The following CDH18 variants were observed in gnomAD, a reference collection of about 807,000 sequenced individuals.
CDH18 encodes cadherin-18.
In CDH18, 31 loss-of-function variants were observed where a neutral mutation model predicts 67.9. That is an observed-to-expected ratio of 0.46 (90% confidence interval 0.34 to 0.62). The LOEUF (loss-of-function observed/expected upper bound fraction) is 0.62. Ranked by LOEUF, CDH18 falls within the 20% of genes least tolerant of loss-of-function variation. The probability of loss-of-function intolerance (pLI) is 0.01; values close to 1 mark genes in which losing one functional copy is unlikely to be tolerated. For missense variants in CDH18, 890 were observed against 975.5 expected, an observed-to-expected ratio of 0.91 and a Z score of 1.17; for synonymous variants, 362 against 347.2, an observed-to-expected ratio of 1.04 and a Z score of -0.48.
At chr5:20,063,377 C>T (rs1001014760) in intron 2 of CDH18, among the ~76,000 whole-genome samples, 1 of 151,898 alleles carries the variant, frequency 6.6e-6, no homozygotes, top group Non-Finnish European at 1.5e-5. Context: ...CTCTGCATTT[C>T]AAGAATTAAC....
chr5:19,865,157 G>A (rs995165440), intron 2 of CDH18, among the ~76,000 whole-genome samples: 10 of 152,058 alleles, frequency 6.6e-5, no homozygotes, highest in African/African-American at 1.9e-4. Flanking sequence ...CTGCATGCAA[G>A]CCCTTAAATA....
At chr5:20,087,402 C>T (rs188145056) in intron 2 of CDH18, among the ~76,000 whole-genome samples, 19 of 152,066 alleles carry the variant, frequency 1.2e-4, no homozygotes, top group Non-Finnish European at 1.9e-4. Flanking sequence ...AGATAATTGA[C>T]TCCAATTTAG....
At chr5:19,558,716 C>A (rs1239876871) in intron 8 of CDH18, among the ~76,000 whole-genome samples, 1 of 151,848 alleles carries the variant, frequency 6.6e-6, no homozygotes, top group East Asian at 1.9e-4. Flanking sequence ...TTATATTAGA[C>A]ATTCAAGCAA....
intron 5 of CDH18, among the ~76,000 whole-genome samples, chr5:19,632,475 T>G (rs1440004152): frequency 1.3e-5 from 2 of 152,246 alleles, no homozygotes; most frequent in African/African-American, 4.8e-5. Context: ...GCCTTAATTC[T>G]TTCCGGGTTT....
intron 1 of CDH18, among the ~76,000 whole-genome samples, chr5:20,312,053 T>C (rs535956043): frequency 6.6e-6 from 1 of 152,152 alleles, no homozygotes; most frequent in Non-Finnish European, 1.5e-5. Flanking sequence ...TCAATGAGTT[T>C]TGAGTGGATG....
At chr5:20,468,647 A>G (rs986608660) in intron 1 of CDH18, among the ~76,000 whole-genome samples, 1 of 152,218 alleles carries the variant, frequency 6.6e-6, no homozygotes, top group Admixed American at 6.5e-5. Context: ...CTTCATGAAC[A>G]TAATTTAGAG....
intron 3 of CDH18, among the ~76,000 whole-genome samples, chr5:19,758,117 C>T (rs528084142): frequency 9.8e-5 from 15 of 152,286 alleles, no homozygotes; most frequent in African/African-American, 3.6e-4. Context: ...ATGTAACTTA[C>T]TTGTACCTTC....
At chr5:20,385,276 T>C (rs773944232) in intron 1 of CDH18, among the ~76,000 whole-genome samples, 37 of 152,188 alleles carry the variant, frequency 2.4e-4, no homozygotes, top group Non-Finnish European at 4.7e-4. Flanking sequence ...GATCAGTATG[T>C]TCTGGACAAA....
At chr5:20,366,274 T>C (rs200887610) in intron 1 of CDH18, among the ~76,000 whole-genome samples, 1 of 152,172 alleles carries the variant, frequency 6.6e-6, no homozygotes, top group East Asian at 1.9e-4. Flanking sequence ...GATGCATCTT[T>C]CTTGCTTACT....
At chr5:20,022,308 G>T (rs1041363447) in intron 2 of CDH18, among the ~76,000 whole-genome samples, 3 of 152,172 alleles carry the variant, frequency 2.0e-5, no homozygotes, top group Non-Finnish European at 4.4e-5. Context: ...AGCTGGTAAG[G>T]TTTGGAACCT....
At chr5:19,977,868 T>C (rs191294127) in intron 2 of CDH18, among the ~76,000 whole-genome samples, 1 of 152,240 alleles carries the variant, frequency 6.6e-6, no homozygotes, top group African/African-American at 2.4e-5. Flanking sequence ...GTTTGATCAG[T>C]AAACACACAG....
At chr5:20,152,939 ATTTT>A (rs34475393) in intron 2 of CDH18, among the ~76,000 whole-genome samples, 1 of 125,894 alleles carries the variant, frequency 7.9e-6, no homozygotes. Context: ...AGGATGAGGA[ATTTT>A]TTTTTTTTTT....
At chr5:19,743,572 C>T (rs1157394748) in intron 4 of CDH18, among the ~76,000 whole-genome samples, 1 of 152,080 alleles carries the variant, frequency 6.6e-6, no homozygotes, top group Non-Finnish European at 1.5e-5. Context: ...CAGATTTGTT[C>T]CCCCTGCCAT....
At chr5:20,406,146 C>T (rs1201467029) in intron 1 of CDH18, among the ~76,000 whole-genome samples, 2 of 152,104 alleles carry the variant, frequency 1.3e-5, no homozygotes, top group Admixed American at 6.5e-5. Context: ...ATGTTTATTG[C>T]AGCACTATTG....
chr5:20,093,143 G>T (rs1352485032), intron 2 of CDH18, among the ~76,000 whole-genome samples: 1 of 151,946 alleles, frequency 6.6e-6, no homozygotes, highest in Non-Finnish European at 1.5e-5. Flanking sequence ...ACGGTGAGGT[G>T]GGAGGAAGCT....
intron 12 of CDH18, 117 bp from the exon 13 acceptor site, chr5:19,473,833 G>C (rs1447740184): frequency 2.4e-6 from 2 of 837,724 alleles, no homozygotes; most frequent in Non-Finnish European, 3.8e-6. Flanking sequence ...CCAGAGTTAG[G>C]CTGGCATTGC....
At chr5:20,273,938 A>G (rs943639464) in intron 1 of CDH18, among the ~76,000 whole-genome samples, 3 of 152,168 alleles carry the variant, frequency 2.0e-5, no homozygotes, top group Non-Finnish European at 4.4e-5. Context: ...GGAGATGTAA[A>G]TAAGTTAAGA....
chr5:19,796,755 G>A lies in CDH18; in HGVS notation c.228+42004C>T, dbSNP rs568247402. ...CACCATATGATATCCAAGGCGATAA[G>A]TGAAGAAAGTCACAGAACCAAAATG... On this transcript the variant is annotated intron_variant, in intron 3 of 12. Transcript: ENST00000382275. 2.0e-5 allele frequency among the ~76,000 whole-genome samples: 3 copies of A among 152,118 alleles called. 1 individual carries two copies. The East Asian group carries it at 5.8e-4, about 29-fold the overall frequency.
At chr5:19,762,027 C>T (rs1581234655) in intron 3 of CDH18, among the ~76,000 whole-genome samples, 1 of 152,136 alleles carries the variant, frequency 6.6e-6, no homozygotes, top group East Asian at 1.9e-4. Context: ...GCTGGGAAAA[C>T]TGTCTAGCCA....
Sources: allele counts gnomAD v4.1 joint callset (sites outside exome capture counted in the v4.1 genomes callset), GRCh38; gene constraint gnomAD v4.1.1; transcripts MANE v1.5; gene names NCBI Gene and HGNC (gene_info 2026-07-23, HGNC 2026-07-21).